Variants in HACD1 observed in about 807,000 individuals in gnomAD.
HACD1 encodes the protein 3-hydroxyacyl-CoA dehydratase 1.
HACD1 carries 41 observed loss-of-function variants against 32.0 expected under a neutral mutation model. The observed-to-expected ratio is 1.28, with a 90% CI of 1.00 to 1.66. HACD1 has a LOEUF of 1.66. HACD1 is among the 40% of genes most tolerant of loss of function. The pLI, the probability that HACD1 is intolerant of heterozygous loss-of-function variation, is 0.00. For synonymous variants in HACD1, 142 were observed against 139.0 expected, an observed-to-expected ratio of 1.02 and a Z score of -0.15; for missense variants, 396 against 380.1, an observed-to-expected ratio of 1.04 and a Z score of -0.35.
intron 6 of HACD1, 149 bp from the exon 7 acceptor site, chr10:17,590,595 G>T: frequency 1.9e-6 from 1 of 516,442 alleles, no homozygotes; most frequent in Non-Finnish European, 3.3e-6. Context: ...GACTATAAGA[G>T]TGCAAATGGA....
intron 1 of HACD1, among the ~76,000 whole-genome samples, chr10:17,613,361 C>T (rs781906131): frequency 4.6e-5 from 7 of 152,162 alleles, no homozygotes; most frequent in South Asian, 2.1e-4. Flanking sequence ...AGAGCCTCAA[C>T]TAGTCTTCTG....
At chr10:17,608,851 T>C (rs1015899533) in intron 1 of HACD1, among the ~76,000 whole-genome samples, 2 of 152,192 alleles carry the variant, frequency 1.3e-5, no homozygotes, top group Admixed American at 6.5e-5. Context: ...GTTATACTTT[T>C]GTTTAGCAGC....
chr10:17,612,756 T>C (rs1358416184), intron 1 of HACD1, among the ~76,000 whole-genome samples: 2 of 151,460 alleles, frequency 1.3e-5, no homozygotes, highest in Admixed American at 1.3e-4. Flanking sequence ...CCGTATCTAC[T>C]AAAAATCCAA....
rs528366030 is a variant in HACD1, at chr10:17,590,106, T to TC, written c.*257dup. On this transcript the variant is annotated 3_prime_UTR_variant, in exon 7 of 7. Coordinates refer to ENST00000361271, the MANE Select transcript of HACD1 (RefSeq NM_014241.4). The stretch of plus-strand genomic sequence containing the variant: ...AAAAAACTTAGCAAAAGTTTTTTTT[T>TC]CCCCCAGATAATACACCTAATTATT... The TC allele has an allele frequency of 8.4e-6, 2 of 238,598 alleles. No individual in the cohort carries two copies. Among genetic ancestry groups the TC allele is most frequent in the South Asian group, 1.8e-4 (1 of 5,712 alleles). 14.8% of individuals were successfully genotyped at this position (238,598 alleles called of 1,614,324 possible). A position where few individuals can be genotyped will look rare whatever the true frequency, so the allele number is the denominator to read the frequency against.
chr10:17,614,188 A>G (rs2131524872), intron 1 of HACD1, among the ~76,000 whole-genome samples: 1 of 152,314 alleles, frequency 6.6e-6, no homozygotes, highest in Middle Eastern at 3.4e-3. Flanking sequence ...CACACCTGTA[A>G]TCCCAGCACT....
intron 1 of HACD1, among the ~76,000 whole-genome samples, chr10:17,613,144 G>GTGTGTGTGTGTTT (rs368670331): frequency 6.2e-5 from 8 of 128,752 alleles, no homozygotes; most frequent in Non-Finnish European, 8.3e-5. Flanking sequence ...GTGTGTGTGT[G>GTGTGTGTGTGTTT]TGTTTTGTTT....
At position 17,590,442 on chromosome 10, in the gene HACD1, A is replaced by T; in HGVS notation, c.789T>A (p.Phe263Leu). The change falls in exon 7 of 7, where the codon TTT becomes TTA. Residue 263 changes from phenylalanine (F) to leucine (L), a missense_variant. Coordinates refer to ENST00000361271, the MANE Select transcript of HACD1 (RefSeq NM_014241.4). ...GTAACATATGAAAATAGAGTTGTGG[A>T]AACACTTCATTGAAAAAGAAAACAA... Reference protein sequence around the residue: ...LITMASYIPLFPQLYFHMLRQ... With the variant: ...LITMASYIPLLPQLYFHMLRQ... 1 of 1,582,350 alleles carries T rather than the reference A, an allele frequency of 6.3e-7. No homozygotes were observed. Among genetic ancestry groups the T allele is most frequent in the Non-Finnish European group, 8.6e-7 (1 of 1,160,204 alleles).
At chr10:17,613,572 A>C (rs1833023731) in intron 1 of HACD1, among the ~76,000 whole-genome samples, 1 of 152,194 alleles carries the variant, frequency 6.6e-6, no homozygotes, top group South Asian at 2.1e-4. Flanking sequence ...TCCTTCTTCA[A>C]ATCTCACCGC....
At chr10:17,591,533 G>A (rs537476531) in intron 6 of HACD1, among the ~76,000 whole-genome samples, 82 of 152,312 alleles carry the variant, frequency 5.4e-4, no homozygotes, top group African/African-American at 1.9e-3. Context: ...AAATACATAC[G>A]TTATTAGGTC....
At chr10:17,597,908 A>G (rs1452453135) in intron 5 of HACD1, among the ~76,000 whole-genome samples, 2 of 152,170 alleles carry the variant, frequency 1.3e-5, no homozygotes, top group Non-Finnish European at 1.5e-5. Flanking sequence ...CATCATATAC[A>G]AAGTGGTAAG....
At chr10:17,599,928 TA>T (rs1299283103) in intron 4 of HACD1, among the ~76,000 whole-genome samples, 1 of 152,160 alleles carries the variant, frequency 6.6e-6, no homozygotes, top group Non-Finnish European at 1.5e-5. Flanking sequence ...AGCAAATACA[TA>T]AAAAACAAAT....
chr10:17,594,196 T>C lies in HACD1; in HGVS notation c.784+9A>G. 1 of 1,463,352 alleles carries C rather than the reference T, an allele frequency of 6.8e-7. No individual in the cohort carries two copies. Among genetic ancestry groups the C allele is most frequent in the Non-Finnish European group, 9.1e-7 (1 of 1,096,428 alleles). The allele number at this position is 1,463,352 out of a possible 1,614,324, so 90.6% of individuals were successfully genotyped here. On this transcript the variant is annotated intron_variant, in intron 6 of 6. Transcript: ENST00000361271. ...TGTCAAATCAAAGTACTAATAAGTA[T>C]ATACTTACAAGGTATATATGATGCC...
chr10:17,600,367 T>A (rs1235103110), intron 4 of HACD1, among the ~76,000 whole-genome samples: 1 of 152,058 alleles, frequency 6.6e-6, no homozygotes, highest in East Asian at 1.9e-4. Context: ...TGAGACGGAG[T>A]CTTGCTGTGT....
chr10:17,595,815 C>T (rs951917816), intron 5 of HACD1, among the ~76,000 whole-genome samples: 1 of 151,630 alleles, frequency 6.6e-6, no homozygotes, highest in Non-Finnish European at 1.5e-5. Context: ...AGTAAGACCC[C>T]GTCTCACAAA....
chr10:17,614,339 C>G (rs1237160409), intron 1 of HACD1, among the ~76,000 whole-genome samples: 1 of 152,184 alleles, frequency 6.6e-6, no homozygotes, highest in Non-Finnish European at 1.5e-5. Flanking sequence ...GGCACGATCT[C>G]TCAGCCTCCT....
intron 6 of HACD1, among the ~76,000 whole-genome samples, chr10:17,592,293 AT>A (rs1400225918): frequency 2.6e-5 from 4 of 152,002 alleles, no homozygotes; most frequent in African/African-American, 9.7e-5. Context: ...CAAGCTAGTG[AT>A]TTTTAAGCAA....
At chr10:17,610,222 C>T (rs1834213191) in intron 1 of HACD1, among the ~76,000 whole-genome samples, 2 of 152,164 alleles carry the variant, frequency 1.3e-5, no homozygotes, top group South Asian at 4.1e-4. Flanking sequence ...TCCTCAGCAA[C>T]AAAATAGATT....
At chr10:17,603,795 T>C in intron 2 of HACD1, 51 bp from the exon 3 acceptor site, 1 of 1,551,008 alleles carries the variant, frequency 6.4e-7, no homozygotes, top group Non-Finnish European at 8.9e-7. Context: ...AAACATTAAA[T>C]AAACCACTGT....
chr10:17,604,393 A>T (rs1232962071), intron 1 of HACD1, among the ~76,000 whole-genome samples: 2 of 150,556 alleles, frequency 1.3e-5, no homozygotes, highest in Non-Finnish European at 2.9e-5. Flanking sequence ...CTGAGGCAGG[A>T]GAATGGTGTG....
Sources: allele counts gnomAD v4.1 joint callset (sites outside exome capture counted in the v4.1 genomes callset), GRCh38; gene constraint gnomAD v4.1.1; transcripts MANE v1.5; gene names NCBI Gene and HGNC (gene_info 2026-07-23, HGNC 2026-07-21).